The following PCDH11X variants were observed in gnomAD, a reference collection of about 807,000 sequenced individuals.
PCDH11X encodes protocadherin 11 X-linked, also known as protocadherin-11 X-linked.
PCDH11X carries 18 observed loss-of-function variants against 53.3 expected under a neutral mutation model. That is an observed-to-expected ratio of 0.34 (90% confidence interval 0.23 to 0.50). The LOEUF (loss-of-function observed/expected upper bound fraction) is 0.50. Ranked by LOEUF, PCDH11X falls within the 20% of genes least tolerant of loss-of-function variation. The pLI is 0.98. For synonymous variants in PCDH11X, 279 were observed against 393.3 expected (o/e 0.71, Z 3.44); for missense variants, 570 against 1,032.4 (o/e 0.55, Z 6.14).
At chrX:92,147,385 T>C (rs2065284786) in intron 6 of PCDH11X, among the ~76,000 whole-genome samples, 2 of 111,176 alleles carry the variant, frequency 1.8e-5, no homozygotes, top group South Asian at 7.5e-4. Context: ...CTTTTACACA[T>C]TTTATTCCCA....
At chrX:92,486,371 T>C (rs771803106) in intron 10 of PCDH11X, among the ~76,000 whole-genome samples, 1 of 111,637 alleles carries the variant, frequency 9.0e-6, no homozygotes, top group South Asian at 3.7e-4. Context: ...TAGTTTTGAT[T>C]TTTTCATCTG....
intron 10 of PCDH11X, among the ~76,000 whole-genome samples, chrX:92,543,408 C>T (rs1172831028): frequency 2.7e-5 from 3 of 109,731 alleles, no homozygotes; most frequent in African/African-American, 9.9e-5. Flanking sequence ...TAAAAGAAGA[C>T]GTTAAGAACT....
At position 92,347,001 on chromosome X, in the gene PCDH11X, C is replaced by A. The variant is rs7059092; in HGVS notation, c.3145-40734C>A. ...AAGGTTTATTAAATCACTTTTGAGT[C>A]ATTCCCTTGAATTATATACGTATAT... On this transcript the variant is annotated intron_variant, in intron 8 of 10. Transcript: ENST00000682573. Among the ~76,000 whole-genome samples, 4 of 111,029 alleles carry A rather than the reference C, an allele frequency of 3.6e-5. No homozygotes were observed. In the East Asian group the frequency reaches 1.1e-3, roughly 32 times the overall value.
At chrX:92,356,233 T>C (rs1260765734) in intron 8 of PCDH11X, among the ~76,000 whole-genome samples, 1 of 111,931 alleles carries the variant, frequency 8.9e-6, no homozygotes, top group African/African-American at 3.3e-5. Flanking sequence ...TATATTACTT[T>C]ATAAAAAGGA....
chrX:92,516,773 C>T (rs1465398625), intron 10 of PCDH11X, among the ~76,000 whole-genome samples: 3 of 112,125 alleles, frequency 2.7e-5, no homozygotes, highest in African/African-American at 9.7e-5. Flanking sequence ...AAATAAAACA[C>T]ACAATGTCAA....
At chrX:92,386,503 T>C (rs1446292963) in intron 8 of PCDH11X, among the ~76,000 whole-genome samples, 1 of 109,725 alleles carries the variant, frequency 9.1e-6, no homozygotes, top group Non-Finnish European at 1.9e-5. Flanking sequence ...TAGTCCTTCT[T>C]AATTTTTAGG....
intron 6 of PCDH11X, among the ~76,000 whole-genome samples, chrX:91,942,379 A>C (rs112506007): frequency 0.017 from 1,899 of 110,797 alleles, 36 homozygotes; most frequent in African/African-American, 0.058. Context: ...AAGTGACATC[A>C]CTACAGATTA....
chrX:92,548,721 G>C (rs1467362147), intron 10 of PCDH11X, among the ~76,000 whole-genome samples: 1 of 109,676 alleles, frequency 9.1e-6, no homozygotes, highest in Non-Finnish European at 1.9e-5. Context: ...AACACCAAAT[G>C]ACATAAATTC....
chrX:92,368,633 T>G (rs2148548772), intron 8 of PCDH11X, among the ~76,000 whole-genome samples: 1 of 111,963 alleles, frequency 8.9e-6, no homozygotes, highest in African/African-American at 3.2e-5. Context: ...CTTCATGGAT[T>G]TATCTACCTT....
intron 8 of PCDH11X, among the ~76,000 whole-genome samples, chrX:92,296,754 C>T (rs2068617931): frequency 3.4e-5 from 3 of 87,886 alleles, no homozygotes; most frequent in Admixed American, 2.7e-4. Context: ...TTCCTTGGGA[C>T]TATACCCAAT....
At chrX:92,014,712 A>G (rs948873198) in intron 6 of PCDH11X, among the ~76,000 whole-genome samples, 37 of 112,344 alleles carry the variant, frequency 3.3e-4, no homozygotes, top group Middle Eastern at 4.6e-3. Flanking sequence ...GCCATAAAAA[A>G]TGATGAGCTT....
intron 10 of PCDH11X, among the ~76,000 whole-genome samples, chrX:92,488,076 T>C (rs1445391387): frequency 9.0e-6 from 1 of 111,729 alleles, no homozygotes; most frequent in Non-Finnish European, 1.9e-5. Context: ...GCTGTGACTA[T>C]AGGCATATGC....
At chrX:92,544,365 T>A (rs997931733) in intron 10 of PCDH11X, among the ~76,000 whole-genome samples, 2 of 111,817 alleles carry the variant, frequency 1.8e-5, no homozygotes, top group Non-Finnish European at 1.9e-5. Context: ...ACACAGCCTT[T>A]GGAGAATACA....
chrX:92,255,972 C>A (rs1392429457), intron 7 of PCDH11X, among the ~76,000 whole-genome samples: 1 of 112,477 alleles, frequency 8.9e-6, no homozygotes, highest in Non-Finnish European at 1.9e-5. Flanking sequence ...CCAGTTGGAG[C>A]TTCCCAGCTG....
At chrX:91,897,283 G>A (rs78537968) in intron 6 of PCDH11X, among the ~76,000 whole-genome samples, 20,043 of 101,460 alleles carry the variant, frequency 0.2, 1,932 homozygotes, top group East Asian at 0.28. Context: ...TTCTGCCTTT[G>A]CAATCTTTAA....
chrX:92,156,938 A>G (rs1168673494), intron 6 of PCDH11X, among the ~76,000 whole-genome samples: 2 of 111,863 alleles, frequency 1.8e-5, no homozygotes, highest in African/African-American at 6.5e-5. Context: ...ATAAGCTTAA[A>G]ACGACCTTCA....
rs960326511 is a variant in PCDH11X, at chrX:91,878,685, T to C, written c.2445T>C (p.Val815=). The C allele has an allele frequency of 8.3e-7, 1 of 1,208,001 alleles. No individual in the cohort carries two copies. The highest frequency in any genetic ancestry group is 1.8e-5 in the African/African-American group (1 of 56,647). The change falls in exon 6 of 11, where the codon GTT becomes GTC. Residue 815 remains valine (V), a synonymous_variant. Coordinates refer to ENST00000682573, the MANE Select transcript of PCDH11X (RefSeq NM_032968.5). ...CTAGTGACTATGTCAAGATCCTGGT[T>C]GCAGCTGTTGCTGGCACCATAACTG... is the stretch of plus-strand genomic sequence containing the variant. ...SPTSDYVKIL[V]AAVAGTITVV... is the part of the protein sequence containing the mutation.
chrX:92,214,084 C>T (rs1478160938), intron 7 of PCDH11X, among the ~76,000 whole-genome samples: 1 of 111,473 alleles, frequency 9.0e-6, no homozygotes, highest in African/African-American at 3.3e-5. Flanking sequence ...GCTAAAAGCT[C>T]ATCACTTGGC....
intron 6 of PCDH11X, among the ~76,000 whole-genome samples, chrX:91,881,223 A>G (rs1033359635): frequency 9.9e-5 from 11 of 110,807 alleles, no homozygotes; most frequent in African/African-American, 3.3e-4. Context: ...TTTTTTAAAA[A>G]TATTTTGTAA....
Sources: gnomAD v4.1 joint callset for allele counts (sites outside exome capture counted in the v4.1 genomes callset) on GRCh38, gnomAD v4.1.1 for gene constraint, MANE v1.5 for transcripts, NCBI Gene and HGNC (gene_info 2026-07-23, HGNC 2026-07-21) for gene names.